RRN3: variants seen among roughly 807,000 people sequenced by gnomAD.
The protein encoded by RRN3 is RNA polymerase I-specific transcription initiation factor RRN3.
A neutral mutation model predicts 82.3 loss-of-function variants in RRN3; 38 were observed. The observed-to-expected ratio is 0.46, with a 90% CI of 0.36 to 0.61. The LOEUF (loss-of-function observed/expected upper bound fraction) is 0.61. RRN3 is among the 20% of genes least tolerant of loss of function. RRN3 has a pLI of 0.00. For missense variants in RRN3, 726 were observed against 793.1 expected (o/e 0.92, Z 1.02); for synonymous variants, 284 against 284.3 (o/e 1.00, Z 0.01).
rs571607339 is a variant in RRN3, at chr16:15,061,840, A to G, written c.1860T>C (p.Ile620=). 1 of 1,614,052 alleles carries G rather than the reference A, an allele frequency of 6.2e-7. No homozygotes were observed. Among genetic ancestry groups the G allele is most frequent in the East Asian group, 2.2e-5 (1 of 44,890 alleles). Residue 620 remains isoleucine (I), a synonymous_variant, in exon 18 of 18, where the codon ATT becomes ATC. Transcript: ENST00000198767. ...KGEVPQNDTV[I]GITPSSFDTH... ...TGTCAAAGGAGCTTGGTGTGATCCC[A>G]ATCACGGTATCATTCTGGGGCACTT... is the stretch of plus-strand genomic sequence containing the variant.
chr16:15,089,731 C>T (rs1352151482), intron 3 of RRN3, among the ~76,000 whole-genome samples: 4 of 120,782 alleles, frequency 3.3e-5, no homozygotes, highest in African/African-American at 6.3e-5. Context: ...ACCCGGGAGG[C>T]GGAGCTTGCA....
chr16:15,060,880 C>T lies in RRN3; in HGVS notation c.*864G>A, dbSNP rs1018637409. 3 of 152,178 alleles carry T rather than the reference C, an allele frequency of 2.0e-5. No individual in the cohort carries two copies. Among genetic ancestry groups the T allele is most frequent in the African/African-American group, 4.8e-5 (2 of 41,442 alleles). 9.4% of individuals were successfully genotyped at this position (152,178 alleles called of 1,614,324 possible). On this transcript the variant is annotated 3_prime_UTR_variant, in exon 18 of 18. Coordinates refer to ENST00000198767, the MANE Select transcript of RRN3 (RefSeq NM_018427.5). ...TAAGTGATGCAGATCAAAACTGACT[C>T]GATCTAATGGCCACCAAGGAGCAGT...
chr16:15,077,809 C>A (rs147367317), intron 9 of RRN3, among the ~76,000 whole-genome samples: 1,670 of 152,336 alleles, frequency 0.011, 12 homozygotes, highest in Non-Finnish European at 0.017. Context: ...CCACTGCACT[C>A]CAGCCTGGGC....
chr16:15,092,703 G>A (rs1013016261), intron 1 of RRN3, 89 bp from the exon 2 acceptor site: 1 of 896,460 alleles, frequency 1.1e-6, no homozygotes. Context: ...ATAATTCAGT[G>A]GAACTATTGT....
At chr16:15,063,527 T>A (rs935628850) in intron 16 of RRN3, among the ~76,000 whole-genome samples, 3 of 151,676 alleles carry the variant, frequency 2.0e-5, no homozygotes, top group Admixed American at 2.0e-4. Flanking sequence ...GCTAACACGG[T>A]GAAACCCCAT....
At chr16:15,062,320 A>G (rs976620867) in intron 17 of RRN3, among the ~76,000 whole-genome samples, 1 of 152,216 alleles carries the variant, frequency 6.6e-6, no homozygotes, top group Non-Finnish European at 1.5e-5. Context: ...GCCCAGTGTT[A>G]GGAACTCTTG....
chr16:15,085,009 C>T (rs182136177), intron 6 of RRN3, among the ~76,000 whole-genome samples: 4 of 151,656 alleles, frequency 2.6e-5, no homozygotes, highest in African/African-American at 7.3e-5. Context: ...AAGGCTGCAG[C>T]GAACCGAGAT....
Position 15,071,185 on chromosome 16 carries a change from T to G in RRN3, c.1195A>C (p.Ile399Leu), listed in dbSNP as rs1375418628. ...ATATAATTTCCAGCAGCCTGCCTGA[T>G]GATGGCAGGATTACTTGGGTCCTGC... ...KLQDPSNPAI[I>L]RQAAGNYIGS... is the part of the protein sequence containing the mutation. Residue 399 changes from isoleucine to leucine, a missense_variant, in exon 13 of 18, where the codon ATC becomes CTC. Ile to Leu is a conservative substitution (Grantham distance 5). Transcript: ENST00000198767. The G allele has an allele frequency of 6.8e-6, 11 of 1,610,754 alleles. No individual in the cohort carries two copies. The highest frequency in any genetic ancestry group is 9.3e-6 in the Non-Finnish European group (11 of 1,179,148).
intron 14 of RRN3, among the ~76,000 whole-genome samples, chr16:15,069,248 A>C (rs1281199607): frequency 6.6e-6 from 1 of 152,122 alleles, no homozygotes; most frequent in African/African-American, 2.4e-5. Context: ...TGCTGTTGGC[A>C]GCTAGTAGGT....
In RRN3 at chr16:15,060,206, A is replaced by C. The variant is rs768758627; in HGVS notation, c.*1538T>G. 43 of 397,240 alleles carry C rather than the reference A, an allele frequency of 1.1e-4. No homozygotes were observed. The highest frequency in any genetic ancestry group is 2.1e-5 in the African/African-American group (1 of 47,836). 24.6% of individuals were successfully genotyped at this position (397,240 alleles called of 1,614,324 possible). On this transcript the variant is annotated 3_prime_UTR_variant, in exon 18 of 18. Transcript: ENST00000198767. ...CCAACCCACAAAGACCCCACTTACT[A>C]CTAATTTCTGGGGAATTTCGTTTAC...
Position 15,085,525 on chromosome 16 carries a change from C to T in RRN3, c.532+114G>A, listed in dbSNP as rs898431877. The T allele has an allele frequency of 1.2e-5, 18 of 1,467,386 alleles. 1 individual carries two copies. In the Admixed American group the frequency reaches 1.8e-4, roughly 15 times the overall value. 90.9% of individuals were successfully genotyped at this position (1,467,386 alleles called of 1,614,324 possible). A position where few individuals can be genotyped will look rare whatever the true frequency, so the allele number is the denominator to read the frequency against. On this transcript the variant is annotated intron_variant, in intron 6 of 17. Coordinates refer to ENST00000198767, the MANE Select transcript of RRN3 (RefSeq NM_018427.5). The stretch of plus-strand genomic sequence containing the variant: ...CAGAGACAAGGTCTCACTATGTTGC[C>T]CAGGCTGGTCTCAAACTCTTGGCCT...
chr16:15,093,865 A>C (rs2046240555), intron 1 of RRN3: 1 of 477,650 alleles, frequency 2.1e-6, no homozygotes, highest in Admixed American at 4.5e-5. Context: ...AAGAGGGGTC[A>C]AGGCGCAGAA....
At chr16:15,065,688 T>C (rs1286791587) in intron 15 of RRN3, among the ~76,000 whole-genome samples, 2 of 152,238 alleles carry the variant, frequency 1.3e-5, no homozygotes, top group African/African-American at 4.8e-5. Context: ...TAAAAATAAA[T>C]GTTTGCAAGG....
Position 15,063,207 on chromosome 16 carries a change from G to C in RRN3, c.1783C>G (p.Pro595Ala), listed in dbSNP as rs770461636. The change falls in exon 17 of 18, where the codon CCC becomes GCC. Residue 595 changes from proline (P) to alanine (A), a missense_variant. By Grantham distance (27) the Pro-to-Ala change is conservative (BLOSUM62 -1). Transcript: ENST00000198767. ...AATCACAAACTGACCTTTTTCATGG[G>C]TTTCTTGAACTCCTGTAGCTCTTCA... is the stretch of plus-strand genomic sequence containing the variant. ...SAEELQEFKKPMKKDIVEDED... is the reference protein window; with the variant it reads ...SAEELQEFKKAMKKDIVEDED... 2 of 1,608,580 alleles carry C rather than the reference G, an allele frequency of 1.2e-6. No individual in the cohort carries two copies. The highest frequency in any genetic ancestry group is 2.2e-5 in the South Asian group (2 of 90,982).
In RRN3 at chr16:15,076,636, C is replaced by A. The variant is rs751529637; in HGVS notation, c.780G>T (p.Arg260=). The A allele has an allele frequency of 1.7e-5, 28 of 1,609,130 alleles. No individual in the cohort carries two copies. Among genetic ancestry groups the A allele is most frequent in the Non-Finnish European group, 2.4e-5 (28 of 1,175,668 alleles). Reference sequence around the variant, plus strand: ...TTTCTTCAGCATCTTCAATACCCTGCCGGGATGCATTCACCTATAACAAAG... The same window carrying A: ...TTTCTTCAGCATCTTCAATACCCTGACGGGATGCATTCACCTATAACAAAG... ...KLLKLDVNAS[R]QGIEDAEETA... The change falls in exon 10 of 18, where the codon CGG becomes CGT. Residue 260 remains arginine (R), a synonymous_variant. Transcript: ENST00000198767.
chr16:15,084,731 G>C, intron 6 of RRN3, 26 bp from the exon 7 acceptor site: 1 of 1,583,850 alleles, frequency 6.3e-7, no homozygotes, highest in Non-Finnish European at 8.7e-7. Context: ...TTCAGAGTAT[G>C]AGCATCAAAA....
chr16:15,072,140 C>G (rs574389203), intron 12 of RRN3, among the ~76,000 whole-genome samples: 13 of 151,706 alleles, frequency 8.6e-5, no homozygotes, highest in African/African-American at 3.2e-4. Context: ...CCCATGTGGG[C>G]AGACTGAATT....
Position 15,094,151 on chromosome 16 carries a change from C to A in RRN3, c.83G>T (p.Arg28Met). The A allele has an allele frequency of 6.3e-7, 1 of 1,598,218 alleles. No homozygotes were observed. The highest frequency in any genetic ancestry group is 8.5e-7 in the Non-Finnish European group (1 of 1,172,380). Residue 28 changes from arginine (R) to methionine (M), a missense_variant, in exon 1 of 18, where the codon AGG (arginine) becomes ATG (methionine). Transcript: ENST00000198767. ...GAAGCGGCCTGAATCTTACCCAGTC[C>A]TCGACGCGCCCAGCTTCTTAACTGC... The part of the protein sequence containing the change: ...SSAVKKLGAS[R>M]TGISNMRALE...
chr16:15,077,990 T>C (rs535057392), intron 9 of RRN3, among the ~76,000 whole-genome samples: 4 of 152,220 alleles, frequency 2.6e-5, no homozygotes, highest in Non-Finnish European at 4.4e-5. Context: ...AGCAGAAAAA[T>C]GATGAACTGC....
Sources: allele counts gnomAD v4.1 joint callset (sites outside exome capture counted in the v4.1 genomes callset), GRCh38; gene constraint gnomAD v4.1.1; transcripts MANE v1.5; gene names NCBI Gene and HGNC (gene_info 2026-07-23, HGNC 2026-07-21).